The following SMIM8 variants were observed in gnomAD, a reference collection of about 807,000 sequenced individuals.
SMIM8 encodes the protein UPF0708 protein C6orf162.
A neutral mutation model predicts 8.1 loss-of-function variants in SMIM8; 8 were observed. The observed-to-expected ratio is 0.99, with a 90% CI of 0.58 to 1.78. The LOEUF (loss-of-function observed/expected upper bound fraction) is 1.78. Among genes scored for constraint, SMIM8 ranks in the 40% most tolerant of loss-of-function variants. The pLI, the probability that SMIM8 is intolerant of heterozygous loss-of-function variation, is 0.00. For missense variants in SMIM8, 126 were observed against 119.8 expected, an observed-to-expected ratio of 1.05 and a Z score of -0.24; for synonymous variants, 45 against 39.7, an observed-to-expected ratio of 1.13 and a Z score of -0.50.
chr6:87,331,227 A>G (rs1776988556), intron 2 of SMIM8, among the ~76,000 whole-genome samples: 1 of 152,220 alleles, frequency 6.6e-6, no homozygotes, highest in Non-Finnish European at 1.5e-5. Context: ...GAAGACTAAG[A>G]AAGTTCTGAT....
At chr6:87,333,542 A>C (rs1379748364) in intron 2 of SMIM8, among the ~76,000 whole-genome samples, 2 of 152,216 alleles carry the variant, frequency 1.3e-5, no homozygotes, top group Non-Finnish European at 2.9e-5. Flanking sequence ...AGAGAAGAAA[A>C]ATGAAACACC....
intron 1 of SMIM8, among the ~76,000 whole-genome samples, chr6:87,327,993 A>T (rs1376656456): frequency 6.6e-6 from 1 of 151,106 alleles, no homozygotes; most frequent in Non-Finnish European, 1.5e-5. Flanking sequence ...TTCTCGCTTC[A>T]TTTCATTCAC....
chr6:87,332,769 C>T (rs1289107563), intron 2 of SMIM8, among the ~76,000 whole-genome samples: 6 of 26,152 alleles, frequency 2.3e-4, no homozygotes, highest in African/African-American at 6.2e-4. Flanking sequence ...ATGACTTTTA[C>T]CTTTGTATAT....
At position 87,336,074 on chromosome 6, in the gene SMIM8, A is replaced by G. The variant is rs374861983; in HGVS notation, c.-23-935A>G. ...ACAAAGCCCCAATGTGTGTTTAAGT[A>G]TGAATGTTTGGCTCTTAACTTTTAT... On this transcript the variant is annotated intron_variant, in intron 2 of 3. Coordinates refer to ENST00000392863, the MANE Select transcript of SMIM8 (RefSeq NM_001042493.3). Among the ~76,000 whole-genome samples the G allele has an allele frequency of 2.6e-5, 4 of 152,166 alleles. No homozygotes were observed. The South Asian group carries it at 6.2e-4, about 24-fold the overall frequency.
At chr6:87,325,866 T>G (rs959120835) in intron 1 of SMIM8, among the ~76,000 whole-genome samples, 16 of 152,368 alleles carry the variant, frequency 1.1e-4, no homozygotes, top group Admixed American at 2.0e-4. Context: ...TGTACCTCTG[T>G]TAGAATTCGG....
chr6:87,328,154 T>G (rs1776881340), intron 1 of SMIM8, among the ~76,000 whole-genome samples: 1 of 152,192 alleles, frequency 6.6e-6, no homozygotes, highest in South Asian at 2.1e-4. Context: ...TTATACATTC[T>G]TCTAAACTTT....
At chr6:87,326,093 C>T (rs2127916297) in intron 1 of SMIM8, among the ~76,000 whole-genome samples, 1 of 152,308 alleles carries the variant, frequency 6.6e-6, no homozygotes, top group South Asian at 2.1e-4. Flanking sequence ...GTTTGTATTT[C>T]TGTGGGATCG....
At position 87,328,907 on chromosome 6, in the gene SMIM8, C is replaced by T. The variant is rs1776916055; in HGVS notation, c.-44-1785C>T. On this transcript the variant is annotated intron_variant, in intron 1 of 3. Coordinates refer to ENST00000392863, the MANE Select transcript of SMIM8 (RefSeq NM_001042493.3). Reference sequence around the variant, plus strand: ...TGCTGTGCTAGCAATCAGCCAGACTCCGTGGGCGTAGGACCCTCCGAACCA... The same window carrying T: ...TGCTGTGCTAGCAATCAGCCAGACTTCGTGGGCGTAGGACCCTCCGAACCA... 2.0e-5 allele frequency among the ~76,000 whole-genome samples: 3 copies of T among 152,238 alleles called. 1 individual carries two copies. The South Asian group carries it at 6.2e-4, about 32-fold the overall frequency.
At chr6:87,323,282 A>G (rs76201598) in intron 1 of SMIM8, among the ~76,000 whole-genome samples, 1 of 151,660 alleles carries the variant, frequency 6.6e-6, no homozygotes, top group Non-Finnish European at 1.5e-5. Flanking sequence ...TTATTTATTT[A>G]TTTGTTATTA....
chr6:87,326,860 A>C (rs1776834959), intron 1 of SMIM8, among the ~76,000 whole-genome samples: 1 of 120,900 alleles, frequency 8.3e-6, no homozygotes, highest in Non-Finnish European at 1.7e-5. Flanking sequence ...TAATGTTGAC[A>C]GTGGGGTGTT....
intron 1 of SMIM8, among the ~76,000 whole-genome samples, chr6:87,328,450 T>C (rs534006098): frequency 1.1e-4 from 16 of 152,082 alleles, no homozygotes; most frequent in Non-Finnish European, 2.1e-4. Context: ...TCCTTTCTGT[T>C]TGTTAGTTTT....
intron 1 of SMIM8, among the ~76,000 whole-genome samples, chr6:87,326,260 A>C (rs1180443515): frequency 6.6e-6 from 1 of 151,742 alleles, no homozygotes; most frequent in African/African-American, 2.4e-5. Context: ...TAATGTCTCT[A>C]TTTCCTTTAG....
chr6:87,334,759 ACT>A (rs1777069111), intron 2 of SMIM8, among the ~76,000 whole-genome samples: 1 of 152,182 alleles, frequency 6.6e-6, no homozygotes, highest in African/African-American at 2.4e-5. Flanking sequence ...AAGTCAGCTA[ACT>A]CTCAGTGCTT....
chr6:87,332,319 CCA>C (rs1777011981), intron 2 of SMIM8, among the ~76,000 whole-genome samples: 1 of 97,304 alleles, frequency 1.0e-5, no homozygotes. Context: ...TCCTCCCCCC[CCA>C]TATATGTATA....
chr6:87,336,322 CAAG>C (rs752442858), intron 2 of SMIM8, among the ~76,000 whole-genome samples: 8 of 152,074 alleles, frequency 5.3e-5, no homozygotes, highest in Non-Finnish European at 1.0e-4. Context: ...GCTAGGAAAA[CAAG>C]AAGACAAAAG....
intron 2 of SMIM8, among the ~76,000 whole-genome samples, chr6:87,336,393 G>C (rs951127247): frequency 6.6e-6 from 1 of 152,214 alleles, no homozygotes; most frequent in Non-Finnish European, 1.5e-5. Flanking sequence ...AGGATATTCA[G>C]ATTAAGGAGA....
In SMIM8 at chr6:87,340,296, G is replaced by T; in HGVS notation, c.*22G>T. On this transcript the variant is annotated 3_prime_UTR_variant, in exon 4 of 4. Coordinates refer to ENST00000392863, the MANE Select transcript of SMIM8 (RefSeq NM_001042493.3). ...TTAGTAGTGCTGGTTAGTGCAGATGGACCTTTATTAAAGGTTCTGAAATCT... is the reference window on the plus strand; with the variant it reads ...TTAGTAGTGCTGGTTAGTGCAGATGTACCTTTATTAAAGGTTCTGAAATCT... The T allele has an allele frequency of 6.5e-7, 1 of 1,542,942 alleles. No individual in the cohort carries two copies. The highest frequency in any genetic ancestry group is 1.3e-5 in the South Asian group (1 of 78,590).
chr6:87,324,830 G>A (rs1776776364), intron 1 of SMIM8, among the ~76,000 whole-genome samples: 1 of 152,198 alleles, frequency 6.6e-6, no homozygotes, highest in Admixed American at 6.5e-5. Context: ...GCTTGATGGG[G>A]ATGGCATTGA....
intron 1 of SMIM8, among the ~76,000 whole-genome samples, chr6:87,323,574 T>G (rs1776728675): frequency 6.6e-6 from 1 of 151,984 alleles, no homozygotes; most frequent in African/African-American, 2.4e-5. Flanking sequence ...GATTTCCAAT[T>G]TCATCCATGT....
Sources: allele counts gnomAD v4.1 joint callset (sites outside exome capture counted in the v4.1 genomes callset), GRCh38; gene constraint gnomAD v4.1.1; transcripts MANE v1.5; gene names NCBI Gene and HGNC (gene_info 2026-07-23, HGNC 2026-07-21).